Variants in PPP2R2B observed in about 807,000 individuals in gnomAD.
PPP2R2B encodes the protein serine/threonine-protein phosphatase 2A 55 kDa regulatory subunit B beta isoform.
PPP2R2B carries 5 observed loss-of-function variants against 46.0 expected under a neutral mutation model. The ratio of observed to expected loss-of-function variants is 0.11; its 90% CI spans 0.06 to 0.23. The LOEUF (loss-of-function observed/expected upper bound fraction) is 0.23. PPP2R2B is among the 10% of genes least tolerant of loss of function. PPP2R2B has a pLI of 1.00. For missense variants in PPP2R2B, 367 were observed against 575.0 expected, an observed-to-expected ratio of 0.64 and a Z score of 3.70; for synonymous variants, 215 against 206.7, an observed-to-expected ratio of 1.04 and a Z score of -0.34.
In PPP2R2B at chr5:146,744,742, G is replaced by A. The variant is rs184434871; in HGVS notation, c.71-43600C>T. Among the ~76,000 whole-genome samples the A allele has an allele frequency of 2.3e-4, 35 of 152,272 alleles. 1 individual carries two copies. In the East Asian group the frequency reaches 6.0e-3, roughly 26 times the overall value. On this transcript the variant is annotated intron_variant, in intron 2 of 9. Transcript: ENST00000394411. The stretch of plus-strand genomic sequence containing the variant: ...ACAACACATTTTACTGCAAGAAATT[G>A]TTTGTGGATCTTATTGAGAATAGCT...
chr5:146,713,831 AC>A lies in PPP2R2B; in HGVS notation c.71-12690del, dbSNP rs1010155242. ...TGTGAGTAAAGCAGGCTTTTTGAGG[AC>A]CAGATGTTCAGTTTTATGCATGTGA... On this transcript the variant is annotated intron_variant, in intron 2 of 9. Transcript: ENST00000394411. 7.8e-4 allele frequency among the ~76,000 whole-genome samples: 119 copies of A among 152,224 alleles called. 1 individual carries two copies. The highest frequency in any genetic ancestry group is 2.6e-3 in the African/African-American group (106 of 41,532).
At chr5:146,757,185 G>A (rs981339978) in intron 2 of PPP2R2B, among the ~76,000 whole-genome samples, 18 of 152,128 alleles carry the variant, frequency 1.2e-4, no homozygotes, top group African/African-American at 4.3e-4. Flanking sequence ...TGGAGAGGGA[G>A]GGAGGTAGGC....
chr5:146,831,208 T>C (rs979640675), intron 2 of PPP2R2B, among the ~76,000 whole-genome samples: 4 of 152,106 alleles, frequency 2.6e-5, no homozygotes, highest in African/African-American at 7.2e-5. Context: ...TTAAAAAGTC[T>C]CTGGGTTGCT....
chr5:146,812,828 T>TATAC (rs1367189583), intron 2 of PPP2R2B, among the ~76,000 whole-genome samples: 17 of 79,656 alleles, frequency 2.1e-4, no homozygotes, highest in African/African-American at 4.1e-4. Flanking sequence ...TATATATATA[T>TATAC]ACACACACAT....
At chr5:146,849,655 G>C (rs1238288882) in intron 2 of PPP2R2B, among the ~76,000 whole-genome samples, 1 of 152,128 alleles carries the variant, frequency 6.6e-6, no homozygotes, top group Non-Finnish European at 1.5e-5. Flanking sequence ...ACAAAGGTCT[G>C]ATTTAAGTGC....
intron 6 of PPP2R2B, among the ~76,000 whole-genome samples, chr5:146,645,849 C>T (rs1336586431): frequency 6.6e-6 from 1 of 152,162 alleles, no homozygotes; most frequent in Non-Finnish European, 1.5e-5. Flanking sequence ...ACTCCATGCT[C>T]CACTTCACTC....
chr5:146,718,115 T>A (rs1012016320), intron 2 of PPP2R2B, among the ~76,000 whole-genome samples: 34 of 152,204 alleles, frequency 2.2e-4, no homozygotes, highest in African/African-American at 7.0e-4. Flanking sequence ...GAAGCACAGC[T>A]GATTTTTTTT....
chr5:146,945,372 A>G (rs184287758), intron 1 of PPP2R2B, among the ~76,000 whole-genome samples: 59 of 152,312 alleles, frequency 3.9e-4, no homozygotes, highest in African/African-American at 1.4e-3. Context: ...TTATTAACCA[A>G]ATGGATTTTA....
intron 1 of PPP2R2B, among the ~76,000 whole-genome samples, chr5:147,053,584 A>G (rs1756936628): frequency 6.8e-6 from 1 of 147,048 alleles, no homozygotes; most frequent in Admixed American, 6.8e-5. Context: ...CCTCAGATGT[A>G]TACTGATCAC....
chr5:146,953,479 A>C (rs1295852660), intron 1 of PPP2R2B, among the ~76,000 whole-genome samples: 1 of 152,132 alleles, frequency 6.6e-6, no homozygotes, highest in Non-Finnish European at 1.5e-5. Flanking sequence ...AACGATGGGA[A>C]CCTCACATAA....
At chr5:146,708,703 A>G (rs1285694675) in intron 2 of PPP2R2B, among the ~76,000 whole-genome samples, 1 of 152,172 alleles carries the variant, frequency 6.6e-6, no homozygotes, top group African/African-American at 2.4e-5. Flanking sequence ...TTTGGCACCA[A>G]TAATTATTTT....
chr5:146,744,518 T>G (rs774957140), intron 2 of PPP2R2B, among the ~76,000 whole-genome samples: 3 of 152,196 alleles, frequency 2.0e-5, no homozygotes, highest in Non-Finnish European at 4.4e-5. Flanking sequence ...TGGAAAACAC[T>G]GCCCTTCCAG....
chr5:147,078,255 G>T (rs76123234), intron 2 of PPP2R2B, among the ~76,000 whole-genome samples: 1 of 152,086 alleles, frequency 6.6e-6, no homozygotes, highest in Non-Finnish European at 1.5e-5. Context: ...GAGCACTGAC[G>T]CCAATGCTGT....
intron 8 of PPP2R2B, among the ~76,000 whole-genome samples, chr5:146,596,767 A>G (rs989586125): frequency 9.9e-5 from 15 of 152,212 alleles, no homozygotes; most frequent in African/African-American, 3.6e-4. Flanking sequence ...AAGTCGAGGT[A>G]GGATTCAGGA....
chr5:146,945,781 G>A (rs1764460767), intron 1 of PPP2R2B, among the ~76,000 whole-genome samples: 2 of 152,188 alleles, frequency 1.3e-5, no homozygotes, highest in Admixed American at 1.3e-4. Context: ...AAATCATTGT[G>A]TAAGGCAATT....
At chr5:146,632,070 C>CT (rs1162699597) in intron 7 of PPP2R2B, among the ~76,000 whole-genome samples, 1 of 132,658 alleles carries the variant, frequency 7.5e-6, no homozygotes. Flanking sequence ...TGCCCCCCCC[C>CT]CCGCCCATTC....
intron 2 of PPP2R2B, among the ~76,000 whole-genome samples, chr5:146,769,106 G>A (rs2151266572): frequency 6.6e-6 from 1 of 152,180 alleles, no homozygotes. Context: ...TTGAACTCCT[G>A]GCCTCAAGCA....
chr5:147,000,071 G>C (rs1212059780), intron 1 of PPP2R2B, among the ~76,000 whole-genome samples: 2 of 152,080 alleles, frequency 1.3e-5, no homozygotes, highest in African/African-American at 4.8e-5. Flanking sequence ...TGTGATGATG[G>C]TGACTTTAAC....
chr5:146,935,766 T>C (rs1180352578), intron 1 of PPP2R2B, among the ~76,000 whole-genome samples: 5 of 151,998 alleles, frequency 3.3e-5, no homozygotes, highest in Non-Finnish European at 5.9e-5. Context: ...TGGAAAAGGG[T>C]AGTAGAAAAC....
Sources: allele counts gnomAD v4.1 joint callset (sites outside exome capture counted in the v4.1 genomes callset), GRCh38; gene constraint gnomAD v4.1.1; transcripts MANE v1.5; gene names NCBI Gene and HGNC (gene_info 2026-07-23, HGNC 2026-07-21).